EIF4G3: variants seen among roughly 807,000 people sequenced by gnomAD.
EIF4G3 encodes eIF-4-gamma 3.
EIF4G3 carries 34 observed loss-of-function variants against 186.4 expected under a neutral mutation model. That is an observed-to-expected ratio of 0.18 (90% CI 0.14 to 0.24). The LOEUF (loss-of-function observed/expected upper bound fraction) is 0.24. Among genes scored for constraint, EIF4G3 ranks in the 10% least tolerant of loss-of-function variants. The probability of loss-of-function intolerance (pLI) is 1.00; values close to 1 mark genes in which losing one functional copy is unlikely to be tolerated. For synonymous variants in EIF4G3, 673 were observed against 679.5 expected (o/e 0.99, Z 0.15); for missense variants, 1,536 against 1,948.5 (o/e 0.79, Z 3.99).
intron 3 of EIF4G3, among the ~76,000 whole-genome samples, chr1:21,080,786 G>A (rs939796867): frequency 5.9e-5 from 9 of 152,098 alleles, no homozygotes; most frequent in Non-Finnish European, 1.0e-4. Context: ...GGGATTACAG[G>A]CATAAGCCAC....
Position 20,973,125 on chromosome 1 carries a change from G to C in EIF4G3, c.494-26C>G, listed in dbSNP as rs150506132. On this transcript the variant is annotated intron_variant, in intron 10 of 36. Coordinates refer to ENST00000602326, the MANE Select transcript of EIF4G3 (RefSeq NM_001391906.1). ...CTAAAAAGTTGGAAAAAATTAAATA[G>C]GCATTCAGTTATTTTGTCAAACACT... 417 of 1,543,166 alleles carry C rather than the reference G, an allele frequency of 2.7e-4. 1 individual carries two copies. In the African/African-American group the frequency reaches 4.7e-3, roughly 17 times the overall value.
rs1408904775 is a variant in EIF4G3 at position 20,859,676 on chromosome 1, C to G, written c.3244+709G>C. On this transcript the variant is annotated intron_variant, in intron 24 of 36. Coordinates refer to ENST00000602326, the MANE Select transcript of EIF4G3 (RefSeq NM_001391906.1). ...GTGCAGTGGCGCGATCGCGGCTCAC[C>G]GCAACCTCCACCTCCCAGGTTCAAG... is the stretch of plus-strand genomic sequence containing the variant. Among the ~76,000 whole-genome samples, 6 of 152,300 alleles carry G rather than the reference C, an allele frequency of 3.9e-5. No homozygotes were observed. The East Asian group carries it at 7.7e-4, about 20-fold the overall frequency.
At position 21,070,298 on chromosome 1, in the gene EIF4G3, T is replaced by TA. The variant is rs1024457725; in HGVS notation, c.-196+18839dup. On this transcript the variant is annotated intron_variant, in intron 3 of 36. Transcript: ENST00000602326. The stretch of plus-strand genomic sequence containing the variant: ...AATAATGTATAAACATGATTTTTGT[T>TA]AAAAAAAAGAAAAAGTAGTGCCCTC... 1.4e-4 allele frequency among the ~76,000 whole-genome samples: 22 copies of TA among 151,888 alleles called. 1 individual carries two copies. The highest frequency in any genetic ancestry group is 5.9e-4 in the Admixed American group (9 of 15,246).
intron 7 of EIF4G3, among the ~76,000 whole-genome samples, chr1:20,987,429 A>T (rs1245233796): frequency 6.6e-6 from 1 of 152,252 alleles, no homozygotes; most frequent in Non-Finnish European, 1.5e-5. Context: ...TTACAAATTG[A>T]AAGTTTGTGA....
chr1:20,892,622 T>C, intron 18 of EIF4G3: 1 of 1,531,850 alleles, frequency 6.5e-7, no homozygotes, highest in Non-Finnish European at 8.7e-7. Context: ...AGCGCACCCC[T>C]AGAGGCAGGC....
intron 3 of EIF4G3, among the ~76,000 whole-genome samples, chr1:21,058,037 G>A (rs1287558634): frequency 6.6e-6 from 1 of 152,150 alleles, no homozygotes; most frequent in Non-Finnish European, 1.5e-5. Context: ...TATTTATCTA[G>A]CACTAACTTA....
chr1:21,176,635 C>G (rs1419559178), intron 1 of EIF4G3, 87 bp downstream of exon 1: 2 of 382,322 alleles, frequency 5.2e-6, no homozygotes, highest in South Asian at 6.2e-5. Flanking sequence ...CCCCGCGGGC[C>G]AGCACCACCG....
At chr1:21,060,178 A>G (rs1416714923) in intron 3 of EIF4G3, among the ~76,000 whole-genome samples, 1 of 152,004 alleles carries the variant, frequency 6.6e-6, no homozygotes, top group African/African-American at 2.4e-5. Context: ...CTTAACTTCT[A>G]GGCTCAAGGG....
rs143618519 is a variant in EIF4G3, at chr1:20,981,093, G to A, written c.333C>T (p.Pro111=). 2.3e-5 allele frequency: 37 copies of A among 1,613,322 alleles called. No homozygotes were observed. The African/African-American group carries it at 4.8e-4, about 21-fold the overall frequency. Residue 111 remains proline, a synonymous_variant, in exon 9 of 37, where the codon CCC becomes CCT. Coordinates refer to ENST00000602326, the MANE Select transcript of EIF4G3 (RefSeq NM_001391906.1). The part of the protein sequence containing the change: ...NQHIMMVNHL[P]MPYPVPQGPQ... ...GCCCCTGGGGCACTGGGTACGGCAT[G>A]GGCAGATGGTTAACCATCATGATGT... is the stretch of plus-strand genomic sequence containing the variant.
At chr1:20,908,579 A>G (rs971156235) in intron 14 of EIF4G3, among the ~76,000 whole-genome samples, 3 of 152,188 alleles carry the variant, frequency 2.0e-5, no homozygotes, top group African/African-American at 7.2e-5. Context: ...CGCACCTTAC[A>G]GTAACATTTT....
At chr1:20,815,639 G>A (rs1368764099) in intron 34 of EIF4G3, among the ~76,000 whole-genome samples, 4 of 138,884 alleles carry the variant, frequency 2.9e-5, no homozygotes, top group Admixed American at 7.0e-5. Context: ...CACCCCGTCC[G>A]GGAGGGAGGT....
intron 3 of EIF4G3, among the ~76,000 whole-genome samples, chr1:21,076,007 C>T (rs1314779990): frequency 6.6e-6 from 1 of 152,148 alleles, no homozygotes; most frequent in Non-Finnish European, 1.5e-5. Context: ...ACCTAACAGA[C>T]ATTTACAGAA....
intron 2 of EIF4G3, among the ~76,000 whole-genome samples, chr1:21,137,981 G>A (rs758063955): frequency 1.3e-5 from 2 of 152,122 alleles, no homozygotes; most frequent in African/African-American, 2.4e-5. Context: ...CATTCATGGT[G>A]TGACAATGAC....
At chr1:21,056,441 G>A (rs941033841) in intron 3 of EIF4G3, among the ~76,000 whole-genome samples, 1 of 152,144 alleles carries the variant, frequency 6.6e-6, no homozygotes, top group Admixed American at 6.5e-5. Flanking sequence ...ATTTGTTACA[G>A]GGCTTAATGT....
Position 20,972,984 on chromosome 1 carries a change from G to T in EIF4G3, c.591+18C>A. On this transcript the variant is annotated intron_variant, in intron 11 of 36. Transcript: ENST00000602326. Reference sequence around the variant, plus strand: ...GATTTTAGATTTAAAATAAGAAAAAGTAATAAAAATCTCTTACAGTTTTTT... The same window carrying T: ...GATTTTAGATTTAAAATAAGAAAAATTAATAAAAATCTCTTACAGTTTTTT... The T allele has an allele frequency of 6.4e-7, 1 of 1,564,408 alleles. No individual in the cohort carries two copies. The highest frequency in any genetic ancestry group is 1.2e-5 in the South Asian group (1 of 83,398).
chr1:20,870,167 C>T (rs1470621148), intron 20 of EIF4G3, among the ~76,000 whole-genome samples: 1 of 152,020 alleles, frequency 6.6e-6, no homozygotes, highest in East Asian at 1.9e-4. Flanking sequence ...CCAAGGCTGA[C>T]TTGTCATGTC....
chr1:20,877,297 G>C (rs920521138), intron 20 of EIF4G3, among the ~76,000 whole-genome samples: 1 of 152,164 alleles, frequency 6.6e-6, no homozygotes, highest in Non-Finnish European at 1.5e-5. Flanking sequence ...GAATTAGTTT[G>C]CTTCCATATA....
intron 2 of EIF4G3, among the ~76,000 whole-genome samples, chr1:21,108,249 G>A (rs760290794): frequency 1.2e-4 from 19 of 152,180 alleles, no homozygotes; most frequent in South Asian, 2.1e-4. Context: ...TAATATCCAT[G>A]AGGAAGGTCT....
chr1:21,142,196 T>G (rs2097352513), intron 2 of EIF4G3, among the ~76,000 whole-genome samples: 1 of 151,474 alleles, frequency 6.6e-6, no homozygotes, highest in Non-Finnish European at 1.5e-5. Context: ...AAACATGTAT[T>G]AGGAATCTAA....
Sources: allele counts gnomAD v4.1 joint callset (sites outside exome capture counted in the v4.1 genomes callset), GRCh38; gene constraint gnomAD v4.1.1; transcripts MANE v1.5; gene names NCBI Gene and HGNC (gene_info 2026-07-23, HGNC 2026-07-21).